MGAT4C: variants seen among roughly 807,000 people sequenced by gnomAD.
MGAT4C encodes alpha-1,3-mannosyl-glycoprotein 4-beta-N-acetylglucosaminyltransferase C.
Under a neutral mutation model 40.1 loss-of-function variants are expected in MGAT4C, and 19 were observed. The observed-to-expected ratio is 0.47, with a 90% CI of 0.33 to 0.70. The LOEUF (loss-of-function observed/expected upper bound fraction) is 0.70. Ranked by LOEUF, MGAT4C falls within the 30% of genes least tolerant of loss-of-function variation. The pLI is 0.02. For synonymous variants in MGAT4C, 181 were observed against 187.1 expected (o/e 0.97, Z 0.27); for missense variants, 491 against 563.2 (o/e 0.87, Z 1.30).
chr12:86,355,529 C>T (rs1173972533), intron 3 of MGAT4C, among the ~76,000 whole-genome samples: 1 of 151,764 alleles, frequency 6.6e-6, no homozygotes, highest in Non-Finnish European at 1.5e-5. Flanking sequence ...TGGAGAAAAA[C>T]AAAGATAAAT....
intron 3 of MGAT4C, among the ~76,000 whole-genome samples, chr12:86,413,842 G>A (rs751561533): frequency 4.6e-5 from 7 of 152,230 alleles, no homozygotes; most frequent in East Asian, 1.9e-4. Context: ...GGATTTAACC[G>A]TGGGAGTTTG....
At chr12:86,338,827 C>T (rs1347076478) in intron 3 of MGAT4C, among the ~76,000 whole-genome samples, 4 of 151,790 alleles carry the variant, frequency 2.6e-5, no homozygotes, top group African/African-American at 9.7e-5. Flanking sequence ...GGCATGGTGG[C>T]ACACACCTGT....
intron 1 of MGAT4C, among the ~76,000 whole-genome samples, chr12:86,121,264 G>A (rs139913112): frequency 0.07 from 10,716 of 152,160 alleles, 474 homozygotes; most frequent in Non-Finnish European, 0.1. Context: ...CCAAATCTAC[G>A]TCTGATTGGT....
chr12:86,271,772 G>A (rs988572629), intron 4 of MGAT4C, among the ~76,000 whole-genome samples: 3 of 152,208 alleles, frequency 2.0e-5, no homozygotes, highest in African/African-American at 7.2e-5. Context: ...AGATGATGGA[G>A]TAGAGAATAT....
At chr12:86,780,992 T>C (rs141202775) in intron 1 of MGAT4C, among the ~76,000 whole-genome samples, 3,370 of 148,252 alleles carry the variant, frequency 0.023, 51 homozygotes, top group Non-Finnish European at 0.033. Flanking sequence ...CACGATTTCA[T>C]TCCTTTTTAT....
At chr12:86,169,940 G>A (rs948430100) in intron 1 of MGAT4C, among the ~76,000 whole-genome samples, 1 of 152,172 alleles carries the variant, frequency 6.6e-6, no homozygotes, top group African/African-American at 2.4e-5. Context: ...CCATATCAAA[G>A]GTTAGCAAAG....
At chr12:86,623,633 C>T (rs1021533763) in intron 2 of MGAT4C, among the ~76,000 whole-genome samples, 2 of 152,036 alleles carry the variant, frequency 1.3e-5, no homozygotes, top group Non-Finnish European at 2.9e-5. Flanking sequence ...TACATATGGA[C>T]ATAAATGCTT....
intron 2 of MGAT4C, among the ~76,000 whole-genome samples, chr12:86,695,627 T>C (rs960565996): frequency 6.6e-6 from 1 of 152,138 alleles, no homozygotes; most frequent in Non-Finnish European, 1.5e-5. Context: ...ACAACATGGA[T>C]GAAAAAACTG....
chr12:86,015,588 T>C (rs1024592091), intron 2 of MGAT4C: 2 of 152,172 alleles, frequency 1.3e-5, no homozygotes, highest in African/African-American at 2.4e-5. Context: ...AAGTCTGGGA[T>C]TGCTTGAGAC....
chr12:86,521,287 T>G (rs1958791056), intron 2 of MGAT4C, among the ~76,000 whole-genome samples: 1 of 152,184 alleles, frequency 6.6e-6, no homozygotes, highest in Non-Finnish European at 1.5e-5. Context: ...CTTCCTCGTT[T>G]TGCTAACCAG....
At chr12:86,691,875 A>T (rs2136598721) in intron 2 of MGAT4C, among the ~76,000 whole-genome samples, 1 of 152,230 alleles carries the variant, frequency 6.6e-6, no homozygotes, top group Admixed American at 6.5e-5. Flanking sequence ...ATCTGCATTA[A>T]AGTATTTACA....
chr12:86,585,537 G>C (rs772967693), intron 2 of MGAT4C, among the ~76,000 whole-genome samples: 22 of 151,364 alleles, frequency 1.5e-4, no homozygotes, highest in Non-Finnish European at 3.0e-4. Flanking sequence ...TGTTATTGAT[G>C]GCTATAATTT....
chr12:86,372,820 CTT>C (rs2136212789), intron 3 of MGAT4C, among the ~76,000 whole-genome samples: 1 of 151,826 alleles, frequency 6.6e-6, no homozygotes, highest in Admixed American at 6.6e-5. Flanking sequence ...TGTCTAAACA[CTT>C]TTGTCACTAG....
At chr12:86,079,910 T>C (rs564655169) in intron 1 of MGAT4C, among the ~76,000 whole-genome samples, 40 of 152,234 alleles carry the variant, frequency 2.6e-4, no homozygotes, top group African/African-American at 8.9e-4. Flanking sequence ...GTCGTGCTCA[T>C]TGAAATGATT....
intron 2 of MGAT4C, among the ~76,000 whole-genome samples, chr12:86,450,791 A>G (rs1187767426): frequency 6.6e-6 from 1 of 152,066 alleles, no homozygotes; most frequent in South Asian, 2.1e-4. Context: ...ATATGTGACT[A>G]TACACGTAAT....
At chr12:86,542,443 C>T (rs761639980) in intron 2 of MGAT4C, among the ~76,000 whole-genome samples, 1 of 152,188 alleles carries the variant, frequency 6.6e-6, no homozygotes, top group Non-Finnish European at 1.5e-5. Context: ...TGTGTAGACA[C>T]CACCATCTGA....
intron 2 of MGAT4C, among the ~76,000 whole-genome samples, chr12:86,503,109 A>T (rs1958393411): frequency 3.5e-5 from 1 of 28,962 alleles, no homozygotes; most frequent in African/African-American, 2.3e-4. Context: ...TATATATATG[A>T]GTTCTGCTCA....
At chr12:86,496,992 C>T (rs1958247745) in intron 2 of MGAT4C, among the ~76,000 whole-genome samples, 1 of 151,866 alleles carries the variant, frequency 6.6e-6, no homozygotes, top group Admixed American at 6.6e-5. Flanking sequence ...AACTTTATCA[C>T]CTCTATTTAC....
chr12:86,165,663 T>C (rs1206051719), intron 1 of MGAT4C, among the ~76,000 whole-genome samples: 1 of 152,160 alleles, frequency 6.6e-6, no homozygotes, highest in East Asian at 1.9e-4. Flanking sequence ...GCTACTAAAA[T>C]TGCCAATGGA....
Sources: allele counts gnomAD v4.1 joint callset (sites outside exome capture counted in the v4.1 genomes callset), GRCh38; gene constraint gnomAD v4.1.1; transcripts MANE v1.5; gene names NCBI Gene and HGNC (gene_info 2026-07-23, HGNC 2026-07-21).